The following KMT2C variants were observed in gnomAD, a reference collection of about 807,000 sequenced individuals.
KMT2C encodes histone-lysine N-methyltransferase 2C.
A neutral mutation model predicts 507.9 loss-of-function variants in KMT2C; 88 were observed. That is an observed-to-expected ratio of 0.17 (90% CI 0.15 to 0.21). KMT2C has a LOEUF of 0.21. Ranked by LOEUF, KMT2C falls within the 10% of genes least tolerant of loss-of-function variation. The pLI, the probability that KMT2C is intolerant of heterozygous loss-of-function variation, is 1.00. For missense variants in KMT2C, 4,954 were observed against 5,957.8 expected (o/e 0.83, Z 5.55); for synonymous variants, 2,049 against 2,080.8 (o/e 0.98, Z 0.42).
chr7:152,199,132 C>G (rs1011493926), intron 27 of KMT2C, 147 bp downstream of exon 27: 9 of 608,856 alleles, frequency 1.5e-5, no homozygotes, highest in African/African-American at 2.0e-5. Flanking sequence ...TAAAATAGTT[C>G]CACTTACTGA....
In KMT2C at chr7:152,148,201, A is replaced by G; in HGVS notation, c.13726T>C (p.Phe4576Leu). Residue 4576 changes from phenylalanine (F) to leucine (L), a missense_variant, in exon 52 of 59, where the codon TTC becomes CTC. Transcript: ENST00000262189. The surrounding 1 kb of genome is among the most constrained non-coding windows in gnomAD (Gnocchi z 7.1). ...CGGCTGGCTTCATAGCCCACAGGGA[A>G]GAGTGCTTTAGGAGAATGGAATGCT... is the stretch of plus-strand genomic sequence containing the variant. ...MQAFHSPKALFPVGYEASRLY... is the reference protein window; with the variant it reads ...MQAFHSPKALLPVGYEASRLY... 2 of 1,614,234 alleles carry G rather than the reference A, an allele frequency of 1.2e-6. No individual in the cohort carries two copies. Among genetic ancestry groups the G allele is most frequent in the Non-Finnish European group, 1.7e-6 (2 of 1,180,022 alleles).
At chr7:152,432,650 T>C (rs1007333616) in intron 1 of KMT2C, among the ~76,000 whole-genome samples, 8 of 152,226 alleles carry the variant, frequency 5.3e-5, no homozygotes, top group African/African-American at 1.9e-4. Context: ...TTTAAGATAT[T>C]TATAGTTAAT....
At position 152,177,807 on chromosome 7, in the gene KMT2C, T is replaced by C. The variant is rs1563263815; in HGVS notation, c.7646A>G (p.Gln2549Arg). 2 of 1,614,028 alleles carry C rather than the reference T, an allele frequency of 1.2e-6. No individual in the cohort carries two copies. Among genetic ancestry groups the C allele is most frequent in the Non-Finnish European group, 1.7e-6 (2 of 1,179,966 alleles). ...TGCTTGGCCCAGTATGTTGTGCTGC[T>C]GAACTGGCAAGCTCTGTGGTGAAAA... ...QHFSPQSLPV[Q>R]QHNILGQAYI... The change falls in exon 38 of 59, where the codon CAG becomes CGG. Residue 2549 changes from glutamine (Q) to arginine (R), a missense_variant. Physicochemically the swap from Gln to Arg is conservative, Grantham distance 43. This residue lies in a region of KMT2C where 1,689 missense variants were observed against 1,654.3 expected (regional missense o/e 1.02). Coordinates refer to ENST00000262189, the MANE Select transcript of KMT2C (RefSeq NM_170606.3).
intron 1 of KMT2C, among the ~76,000 whole-genome samples, chr7:152,411,870 A>C (rs1005637051): frequency 6.6e-6 from 1 of 152,300 alleles, no homozygotes; most frequent in Non-Finnish European, 1.5e-5. Flanking sequence ...TCCCTCAGTA[A>C]ATCTCTAAAT....
intron 6 of KMT2C, among the ~76,000 whole-genome samples, chr7:152,305,904 A>G (rs555026241): frequency 6.1e-4 from 93 of 152,240 alleles, no homozygotes; most frequent in Non-Finnish European, 1.2e-3. Context: ...ATGGTTGGAG[A>G]CCAAGATCTA....
chr7:152,418,619 A>AG (rs934373753), intron 1 of KMT2C, among the ~76,000 whole-genome samples: 3 of 151,764 alleles, frequency 2.0e-5, no homozygotes, highest in Admixed American at 6.6e-5. Context: ...TTTAGTACAG[A>AG]GGGGGTTTCA....
chr7:152,401,688 C>CA (rs1213526513), intron 1 of KMT2C, among the ~76,000 whole-genome samples: 8 of 152,096 alleles, frequency 5.3e-5, no homozygotes, highest in African/African-American at 1.7e-4. Context: ...AAGACTGTCT[C>CA]AAAAAAATAA....
chr7:152,298,453 T>C (rs541643597), intron 6 of KMT2C, among the ~76,000 whole-genome samples: 1 of 152,286 alleles, frequency 6.6e-6, no homozygotes, highest in African/African-American at 2.4e-5. Context: ...AACATCAGAT[T>C]TCTTTTGAGA....
At chr7:152,153,045 C>A (rs2129097940) in intron 48 of KMT2C, 91 bp from the exon 49 acceptor site, 1 of 1,451,172 alleles carries the variant, frequency 6.9e-7, no homozygotes, top group Non-Finnish European at 9.4e-7. Context: ...ATCCTCTTTG[C>A]ATGATACATA....
intron 1 of KMT2C, among the ~76,000 whole-genome samples, chr7:152,389,811 T>C (rs1313060717): frequency 6.6e-6 from 1 of 152,144 alleles, no homozygotes; most frequent in East Asian, 1.9e-4. Flanking sequence ...TTCATTATGC[T>C]GGTCCATATT....
Position 152,399,122 on chromosome 7 carries a change from C to T in KMT2C, c.161+36504G>A, listed in dbSNP as rs953273958. Among the ~76,000 whole-genome samples the T allele has an allele frequency of 5.3e-5, 8 of 152,168 alleles. No individual in the cohort carries two copies. In the East Asian group the frequency reaches 1.5e-3, roughly 29 times the overall value. The stretch of plus-strand genomic sequence containing the variant: ...GGGATTTCAGGCGCTCACCACCGCA[C>T]CCAGCCAGTACTCGCTTTTATAAAC... On this transcript the variant is annotated intron_variant, in intron 1 of 58. Transcript: ENST00000262189.
chr7:152,344,250 G>A (rs545567690), intron 2 of KMT2C, among the ~76,000 whole-genome samples: 23 of 152,098 alleles, frequency 1.5e-4, no homozygotes, highest in Non-Finnish European at 2.8e-4. Context: ...AGACCCCAGC[G>A]GATGCCTGAA....
chr7:152,152,403 G>A (rs1474246726), intron 49 of KMT2C, among the ~76,000 whole-genome samples: 2 of 152,160 alleles, frequency 1.3e-5, no homozygotes, highest in Non-Finnish European at 2.9e-5. Context: ...ATGGGGGTTG[G>A]GAGACAGGAA....
At chr7:152,291,750 A>C (rs2096430623) in intron 6 of KMT2C, among the ~76,000 whole-genome samples, 1 of 152,264 alleles carries the variant, frequency 6.6e-6, no homozygotes, top group Admixed American at 6.5e-5. Context: ...ACCATGAAAA[A>C]TCATTCACCC....
intron 43 of KMT2C, among the ~76,000 whole-genome samples, 194 bp downstream of exon 43, chr7:152,161,923 A>C (rs1340532084): frequency 1.3e-5 from 2 of 152,220 alleles, no homozygotes; most frequent in African/African-American, 2.4e-5. Flanking sequence ...ATAGTAAACA[A>C]ATTATTATTT....
chr7:152,156,016 T>G lies in KMT2C; in HGVS notation c.11854A>C (p.Arg3952=), dbSNP rs763191405. ...CGGGCCAACAAGTCGTCCTGGGGTC[T>G]GAAGGGCAGCTGAAATGGTTTAGGT... ...LGPKPFQLPF[R]PQDDLLARAL... Residue 3952 remains arginine (R), a synonymous_variant, in exon 46 of 59, where the codon AGA becomes CGA. Coordinates refer to ENST00000262189, the MANE Select transcript of KMT2C (RefSeq NM_170606.3). The G allele has an allele frequency of 3.7e-6, 6 of 1,606,378 alleles. No individual in the cohort carries two copies. The highest frequency in any genetic ancestry group is 4.2e-6 in the Non-Finnish European group (5 of 1,178,284).
chr7:152,234,175 C>T (rs574713590), intron 16 of KMT2C, among the ~76,000 whole-genome samples: 2 of 151,888 alleles, frequency 1.3e-5, no homozygotes, highest in South Asian at 2.1e-4. Context: ...ATCAGGAGTT[C>T]GAGACCAGCC....
At chr7:152,431,930 A>C (rs757912799) in intron 1 of KMT2C, among the ~76,000 whole-genome samples, 8 of 152,224 alleles carry the variant, frequency 5.3e-5, no homozygotes, top group Non-Finnish European at 1.2e-4. Context: ...GTTTTCTATC[A>C]CTTATTTCAA....
intron 3 of KMT2C, among the ~76,000 whole-genome samples, chr7:152,323,033 T>C (rs1035249472): frequency 6.6e-6 from 1 of 151,514 alleles, no homozygotes; most frequent in African/African-American, 2.4e-5. Context: ...AAGATAAGTA[T>C]TGCCAAGGAT....
Sources: gnomAD v4.1 joint callset for allele counts (sites outside exome capture counted in the v4.1 genomes callset) on GRCh38, gnomAD v4.1.1 for gene constraint, gnomAD v4.1.1 regional missense constraint, Gnocchi (gnomAD v3.1) non-coding constraint, MANE v1.5 for transcripts, NCBI Gene and HGNC (gene_info 2026-07-23, HGNC 2026-07-21) for gene names.